The following SLC4A10 variants were observed in gnomAD, a reference collection of about 807,000 sequenced individuals.
The protein encoded by SLC4A10 is solute carrier family 4 member 10, also known as sodium-driven chloride bicarbonate exchanger.
SLC4A10 carries 42 observed loss-of-function variants against 137.7 expected under a neutral mutation model. That is an observed-to-expected ratio of 0.30 (90% confidence interval 0.24 to 0.39). The LOEUF (loss-of-function observed/expected upper bound fraction) is 0.39. Among genes scored for constraint, SLC4A10 ranks in the 10% least tolerant of loss-of-function variants. SLC4A10 has a pLI of 1.00. For synonymous variants in SLC4A10, 474 were observed against 464.1 expected (o/e 1.02, Z -0.27); for missense variants, 925 against 1,355.0 (o/e 0.68, Z 4.98).
chr2:161,854,876 G>A (rs1013400764), intron 4 of SLC4A10, 94 bp from the exon 5 acceptor site: 76 of 1,238,122 alleles, frequency 6.1e-5, no homozygotes, highest in Non-Finnish European at 7.4e-5. Flanking sequence ...GACACAATAT[G>A]ACTATTTTTC....
At chr2:161,840,452 T>C (rs1001115440) in intron 4 of SLC4A10, among the ~76,000 whole-genome samples, 1 of 152,246 alleles carries the variant, frequency 6.6e-6, no homozygotes, top group Non-Finnish European at 1.5e-5. Flanking sequence ...TTTTCTATCA[T>C]TTGTAATTAA....
intron 1 of SLC4A10, among the ~76,000 whole-genome samples, chr2:161,745,487 T>C (rs1390587748): frequency 6.6e-6 from 1 of 152,188 alleles, no homozygotes; most frequent in African/African-American, 2.4e-5. Flanking sequence ...TGCATTTCAT[T>C]GAGCTTCCTG....
intron 1 of SLC4A10, among the ~76,000 whole-genome samples, chr2:161,703,489 G>A (rs900639331): frequency 6.6e-6 from 1 of 151,594 alleles, no homozygotes; most frequent in Admixed American, 6.6e-5. Context: ...TCTGTATAAT[G>A]AAATTTTATG....
intron 1 of SLC4A10, among the ~76,000 whole-genome samples, chr2:161,700,731 C>T (rs969956837): frequency 6.6e-6 from 1 of 152,030 alleles, no homozygotes; most frequent in Non-Finnish European, 1.5e-5. Flanking sequence ...ATTGGTGAAT[C>T]CAAGATTTAG....
intron 1 of SLC4A10, among the ~76,000 whole-genome samples, chr2:161,734,672 C>A (rs562439293): frequency 6.6e-6 from 1 of 152,062 alleles, no homozygotes; most frequent in South Asian, 2.1e-4. Flanking sequence ...AAAATAAATA[C>A]TCATTTTATG....
In SLC4A10 at chr2:161,976,789, A is replaced by G; in HGVS notation, c.3257A>G (p.Asp1086Gly). ...RDDPSVINIS[D>G]EMSKTALWRN... ...GATCCATCTGTGATCAATATATCTG[A>G]TGAAATGTCAAAGACTGCCTTGTGG... The change falls in exon 25 of 27, where the codon GAT becomes GGT. Residue 1086 changes from aspartate to glycine, a missense_variant. This residue lies in a region of SLC4A10 where 84 missense variants were observed against 76.9 expected (regional missense o/e 1.09). Transcript: ENST00000446997. The G allele has an allele frequency of 6.2e-7, 1 of 1,600,476 alleles. No homozygotes were observed. Among genetic ancestry groups the G allele is most frequent in the Non-Finnish European group, 8.5e-7 (1 of 1,173,026 alleles).
Position 161,753,365 on chromosome 2 carries a change from A to G in SLC4A10, c.49-17608A>G, listed in dbSNP as rs377170348. Among the ~76,000 whole-genome samples the G allele has an allele frequency of 2.8e-4, 42 of 152,266 alleles. No individual in the cohort carries two copies. In the South Asian group the frequency reaches 8.3e-3, roughly 30 times the overall value. ...TGACTTATTTCCCATTCTTTACACT[A>G]TTTCAAAAACTCTTATCTCTTCTTC... On this transcript the variant is annotated intron_variant, in intron 1 of 26. Coordinates refer to ENST00000446997, the MANE Select transcript of SLC4A10 (RefSeq NM_001178015.2).
At position 161,892,147 on chromosome 2, in the gene SLC4A10, G is replaced by A. The variant is rs1162238570; in HGVS notation, c.1195-2532G>A. On this transcript the variant is annotated intron_variant, in intron 10 of 26. Transcript: ENST00000446997. Reference sequence around the variant, plus strand: ...ACCTTTAGGGAGCTTTAAAATAACAGGAAATCTGTTGTCCTGGATGAATTT... The same window carrying A: ...ACCTTTAGGGAGCTTTAAAATAACAAGAAATCTGTTGTCCTGGATGAATTT... 3.3e-5 allele frequency among the ~76,000 whole-genome samples: 5 copies of A among 152,094 alleles called. No individual in the cohort carries two copies. The South Asian group carries it at 1.0e-3, about 32-fold the overall frequency.
rs1215232374 is a variant in SLC4A10, at chr2:161,653,165, G to A, written c.48+28599G>A. Among the ~76,000 whole-genome samples the A allele has an allele frequency of 9.2e-5, 14 of 152,002 alleles. No homozygotes were observed. The East Asian group carries it at 1.9e-3, about 21-fold the overall frequency. On this transcript the variant is annotated intron_variant, in intron 1 of 26. Coordinates refer to ENST00000446997, the MANE Select transcript of SLC4A10 (RefSeq NM_001178015.2). ...TGGTTTCCAGCTTCATCCATGTCCCGCAAAGGACATGAACTCATCCTTTTT... is the reference window on the plus strand; with the variant it reads ...TGGTTTCCAGCTTCATCCATGTCCCACAAAGGACATGAACTCATCCTTTTT...
At chr2:161,655,010 AG>A (rs1260990408) in intron 1 of SLC4A10, among the ~76,000 whole-genome samples, 1 of 152,138 alleles carries the variant, frequency 6.6e-6, no homozygotes, top group African/African-American at 2.4e-5. Flanking sequence ...TCATGAACAC[AG>A]GATATCTTTC....
chr2:161,701,924 G>C (rs1215980693), intron 1 of SLC4A10, among the ~76,000 whole-genome samples: 1 of 151,920 alleles, frequency 6.6e-6, no homozygotes, highest in Non-Finnish European at 1.5e-5. Context: ...CCAGGCTGCA[G>C]AGAAAGGGGA....
intron 1 of SLC4A10, among the ~76,000 whole-genome samples, chr2:161,723,122 A>G (rs1223132618): frequency 2.0e-5 from 3 of 152,112 alleles, no homozygotes; most frequent in African/African-American, 7.2e-5. Flanking sequence ...CGTGGTCACA[A>G]CCTGAGCCTG....
intron 3 of SLC4A10, among the ~76,000 whole-genome samples, chr2:161,813,289 A>T (rs2056731551): frequency 6.6e-6 from 1 of 152,094 alleles, no homozygotes; most frequent in African/African-American, 2.4e-5. Flanking sequence ...TTGCTTAATG[A>T]GGCTGCTGTC....
chr2:161,778,961 A>G (rs960258292), intron 2 of SLC4A10, among the ~76,000 whole-genome samples: 1 of 151,924 alleles, frequency 6.6e-6, no homozygotes, highest in Non-Finnish European at 1.5e-5. Context: ...TTGTGTTGCT[A>G]TAACAGAATA....
At chr2:161,903,154 T>A (rs1011633869) in intron 12 of SLC4A10, among the ~76,000 whole-genome samples, 6 of 152,152 alleles carry the variant, frequency 3.9e-5, no homozygotes, top group Non-Finnish European at 8.8e-5. Flanking sequence ...GATCTCAAAT[T>A]TCAAGCATAA....
At chr2:161,858,561 C>A (rs544416620) in intron 5 of SLC4A10, among the ~76,000 whole-genome samples, 1 of 152,256 alleles carries the variant, frequency 6.6e-6, no homozygotes, top group African/African-American at 2.4e-5. Context: ...CCAGATATAT[C>A]TTCTTACCAC....
chr2:161,759,648 T>C (rs2050037141), intron 1 of SLC4A10, among the ~76,000 whole-genome samples: 2 of 151,990 alleles, frequency 1.3e-5, no homozygotes, highest in South Asian at 4.1e-4. Flanking sequence ...TTTTATGTCA[T>C]CTTTGGAAAA....
intron 2 of SLC4A10, among the ~76,000 whole-genome samples, chr2:161,774,212 A>T (rs2052030797): frequency 6.6e-6 from 1 of 151,872 alleles, no homozygotes; most frequent in South Asian, 2.1e-4. Flanking sequence ...TCAATGTGAG[A>T]TGAGTACTAT....
chr2:161,652,434 C>A (rs2036932424), intron 1 of SLC4A10, among the ~76,000 whole-genome samples: 1 of 152,168 alleles, frequency 6.6e-6, no homozygotes, highest in Non-Finnish European at 1.5e-5. Context: ...TATACACACA[C>A]ACACACATAT....
Sources: gnomAD v4.1 joint callset for allele counts (sites outside exome capture counted in the v4.1 genomes callset) on GRCh38, gnomAD v4.1.1 for gene constraint, gnomAD v4.1.1 regional missense constraint, MANE v1.5 for transcripts, NCBI Gene and HGNC (gene_info 2026-07-23, HGNC 2026-07-21) for gene names.